Variants in SSX3 observed in about 807,000 individuals in gnomAD.
The protein encoded by SSX3 is SSX family member 3.
A neutral mutation model predicts 14.8 loss-of-function variants in SSX3; 6 were observed. The observed-to-expected ratio is 0.41, with a 90% CI of 0.22 to 0.80. The LOEUF (loss-of-function observed/expected upper bound fraction) is 0.80, where lower values mean the gene tolerates loss of function less well. Among genes scored for constraint, SSX3 ranks in the 30% least tolerant of loss-of-function variants. The pLI is 0.34. For missense variants in SSX3, 163 were observed against 152.2 expected (o/e 1.07, Z -0.37); for synonymous variants, 55 against 52.9 (o/e 1.04, Z -0.18).
At chrX:48,352,054 G>T in intron 5 of SSX3, 46 bp downstream of exon 5, 1 of 1,185,890 alleles carries the variant, frequency 8.4e-7, no homozygotes, top group Non-Finnish European at 1.1e-6. Flanking sequence ...TCGCATCCTT[G>T]GAGGGACAAA....
chrX:48,347,287 C>G (rs9887693), intron 7 of SSX3, among the ~76,000 whole-genome samples: 13,327 of 111,938 alleles, frequency 0.12, 708 homozygotes, highest in East Asian at 0.39. Context: ...GGGTTTGGGA[C>G]CCCACAGCAT....
intron 2 of SSX3, 76 bp downstream of exon 2, chrX:48,355,105 T>C (rs2061280823): frequency 8.3e-7 from 1 of 1,201,147 alleles, no homozygotes; most frequent in African/African-American, 1.7e-5. Context: ...AGTATCTCTG[T>C]CCTCCCCTCC....
intron 3 of SSX3, among the ~76,000 whole-genome samples, chrX:48,354,298 A>G (rs782350565): frequency 9.7e-4 from 104 of 107,628 alleles, no homozygotes; most frequent in African/African-American, 3.2e-3. Context: ...AAAAAAAAAA[A>G]AAAGAAAGAG....
In SSX3 at chrX:48,348,214, C is replaced by T. The variant is rs1421204383; in HGVS notation, c.467-610G>A. The T allele has an allele frequency of 9.2e-6, 4 of 433,839 alleles. No individual in the cohort carries two copies. The African/African-American group carries it at 1.0e-4, about 11-fold the overall frequency. The allele number at this position is 433,839 out of a possible 1,213,427, so 35.8% of individuals were successfully genotyped here. On this transcript the variant is annotated intron_variant, in intron 6 of 7. Coordinates refer to ENST00000298396, the MANE Select transcript of SSX3 (RefSeq NM_021014.4). ...CATCATGGAAAATAGGGTATCCATC[C>T]TCAAGCATTTATCCTTGCCTTACAA...
At chrX:48,347,685 C>G in intron 6 of SSX3, 81 bp from the exon 7 acceptor site, 5 of 1,196,360 alleles carry the variant, frequency 4.2e-6, no homozygotes, top group Non-Finnish European at 5.7e-6. Context: ...AAAGGAGATG[C>G]CTGCTTCCTC....
Position 48,346,621 on chromosome X carries a change from G to T in SSX3, c.*419C>A, listed in dbSNP as rs187675676. On this transcript the variant is annotated 3_prime_UTR_variant, in exon 8 of 8. Coordinates refer to ENST00000298396, the MANE Select transcript of SSX3 (RefSeq NM_021014.4). Reference sequence around the variant, plus strand: ...TGTGTGTGTGTGTGTGGTGTGGTTTGTGTGTGTGTGTAAATGCAGAGGAAA... The same window carrying T: ...TGTGTGTGTGTGTGTGGTGTGGTTTTTGTGTGTGTGTAAATGCAGAGGAAA... The T allele has an allele frequency of 5.8e-3, 1,526 of 263,539 alleles. 23 individuals carry two copies. Among genetic ancestry groups the T allele is most frequent in the African/African-American group, 0.04 (1,418 of 35,016 alleles). 21.7% of individuals were successfully genotyped at this position (263,539 alleles called of 1,213,427 possible).
At chrX:48,354,316 G>C (rs1324445567) in intron 3 of SSX3, among the ~76,000 whole-genome samples, 1 of 106,782 alleles carries the variant, frequency 9.4e-6, no homozygotes, top group Non-Finnish European at 1.9e-5. Context: ...GAGACAAGCC[G>C]AGAGAAGGTA....
intron 1 of SSX3, 129 bp from the exon 2 acceptor site, chrX:48,355,398 G>C: frequency 1.6e-6 from 1 of 618,486 alleles, no homozygotes; most frequent in Non-Finnish European, 2.6e-6. Flanking sequence ...GGGCTTATCT[G>C]TCCCTGAGTA....
At chrX:48,347,156 T>G in intron 7 of SSX3, 121 bp from the exon 8 acceptor site, 1 of 929,596 alleles carries the variant, frequency 1.1e-6, no homozygotes, top group Non-Finnish European at 1.5e-6. Context: ...TCTCAGGACC[T>G]GCACACACCT....
At chrX:48,352,723 G>A (rs1347993977) in intron 4 of SSX3, among the ~76,000 whole-genome samples, 2 of 112,269 alleles carry the variant, frequency 1.8e-5, no homozygotes. Context: ...GTCTATTGGA[G>A]ACGGTTTGGA....
rs782239973 is a variant in SSX3, at chrX:48,346,862, G to C, written c.*178C>G. On this transcript the variant is annotated 3_prime_UTR_variant, in exon 8 of 8. Transcript: ENST00000298396. Reference sequence around the variant, plus strand: ...CACTTCAAGAAAATACAATGGAAACGCTAATATCGTACTCTTGGCACACTA... The same window carrying C: ...CACTTCAAGAAAATACAATGGAAACCCTAATATCGTACTCTTGGCACACTA... 1.3e-6 allele frequency: 1 copy of C among 796,334 alleles called. No homozygotes were observed. The highest frequency in any genetic ancestry group is 2.2e-5 in the South Asian group (1 of 45,955). 65.6% of individuals were successfully genotyped at this position (796,334 alleles called of 1,213,427 possible).
chrX:48,353,620 C>T (rs1182766967), intron 4 of SSX3, among the ~76,000 whole-genome samples: 1 of 110,633 alleles, frequency 9.0e-6, no homozygotes, highest in Non-Finnish European at 1.9e-5. Context: ...AGTGAAACTC[C>T]ATCTCAAAAA....
chrX:48,351,135 C>T (rs2061261162), intron 5 of SSX3, among the ~76,000 whole-genome samples: 2 of 111,833 alleles, frequency 1.8e-5, no homozygotes, highest in African/African-American at 6.5e-5. Flanking sequence ...AAATAGGCTA[C>T]AAGAAAGTGC....
chrX:48,354,871 G>A lies in SSX3; in HGVS notation c.70-125C>T. On this transcript the variant is annotated intron_variant, in intron 2 of 7. Transcript: ENST00000298396. ...ATAATCCTTCCTGGTTGATGCCACG[G>A]CTAACTGACAGAACATGAGGGACCT... is the stretch of plus-strand genomic sequence containing the variant. 4 of 1,197,134 alleles carry A rather than the reference G, an allele frequency of 3.3e-6. No individual in the cohort carries two copies. The South Asian group carries it at 5.5e-5, about 16-fold the overall frequency.
intron 6 of SSX3, among the ~76,000 whole-genome samples, chrX:48,347,950 G>A (rs797040254): frequency 8.9e-6 from 1 of 112,103 alleles, no homozygotes; most frequent in Non-Finnish European, 1.9e-5. Context: ...ATACTGCTTC[G>A]CAGATGCTGC....
At chrX:48,355,905 A>C (rs1192699120) in intron 1 of SSX3, among the ~76,000 whole-genome samples, 4 of 112,204 alleles carry the variant, frequency 3.6e-5, no homozygotes, top group East Asian at 2.8e-4. Flanking sequence ...AGCCAGGCGC[A>C]GTGGCTCAGG....
chrX:48,354,506 C>T, intron 3 of SSX3, 126 bp downstream of exon 3: 37 of 787,490 alleles, frequency 4.7e-5, no homozygotes, highest in Non-Finnish European at 6.7e-5. Flanking sequence ...CCAGAAGCTG[C>T]CTTGCGATTT....
chrX:48,350,182 G>T, intron 5 of SSX3, 60 bp from the exon 6 acceptor site: 3 of 1,192,798 alleles, frequency 2.5e-6, no homozygotes, highest in Admixed American at 4.4e-5. Flanking sequence ...GTGCTTTTGA[G>T]CTTACAAAGG....
chrX:48,347,635 T>C (rs369203413), intron 6 of SSX3, 31 bp from the exon 7 acceptor site: 4 of 1,208,342 alleles, frequency 3.3e-6, no homozygotes, highest in African/African-American at 1.7e-5. Context: ...AAAGTGAGGG[T>C]TGGGTAGGTT....
Sources: gnomAD v4.1 joint callset for allele counts (sites outside exome capture counted in the v4.1 genomes callset) on GRCh38, gnomAD v4.1.1 for gene constraint, MANE v1.5 for transcripts, NCBI Gene and HGNC (gene_info 2026-07-23, HGNC 2026-07-21) for gene names.